Variants in JAKMIP3 observed in about 807,000 individuals in gnomAD.
JAKMIP3 encodes the protein janus kinase and microtubule-interacting protein 3.
A neutral mutation model predicts 118.5 loss-of-function variants in JAKMIP3; 58 were observed. The ratio of observed to expected loss-of-function variants is 0.49; its 90% CI spans 0.40 to 0.61. JAKMIP3 has a LOEUF of 0.61. Among genes scored for constraint, JAKMIP3 ranks in the 20% least tolerant of loss-of-function variants. The probability of loss-of-function intolerance (pLI) is 0.00; values close to 1 mark genes in which losing one functional copy is unlikely to be tolerated. For missense variants in JAKMIP3, 950 were observed against 1,109.0 expected, an observed-to-expected ratio of 0.86 and a Z score of 2.04; for synonymous variants, 486 against 451.2, an observed-to-expected ratio of 1.08 and a Z score of -0.98.
At chr10:132,154,653 G>T (rs1327155466) in intron 19 of JAKMIP3, among the ~76,000 whole-genome samples, 3 of 152,136 alleles carry the variant, frequency 2.0e-5, no homozygotes, top group Admixed American at 2.0e-4. Flanking sequence ...AGCAGGCAGG[G>T]TCTTGACCCT....
intron 19 of JAKMIP3, among the ~76,000 whole-genome samples, chr10:132,158,335 G>A (rs914044395): frequency 2.0e-5 from 3 of 152,176 alleles, no homozygotes; most frequent in Non-Finnish European, 4.4e-5. Context: ...CAGAGCAACT[G>A]CCACCATGGT....
At position 132,088,974 on chromosome 10, in the gene JAKMIP3, C is replaced by G. The variant is rs1411528031; in HGVS notation, c.-137-15698C>G. On this transcript the variant is annotated intron_variant, in intron 1 of 23. Transcript: ENST00000684848. ...ATTTATTAAATAGGGAATCCTTTCCCCACTGCTTGTTTTTGTCAGGTTTGT... is the reference window on the plus strand; with the variant it reads ...ATTTATTAAATAGGGAATCCTTTCCGCACTGCTTGTTTTTGTCAGGTTTGT... Among the ~76,000 whole-genome samples, 11 of 152,290 alleles carry G rather than the reference C, an allele frequency of 7.2e-5. No individual in the cohort carries two copies. The East Asian group carries it at 2.1e-3, about 29-fold the overall frequency.
chr10:132,111,357 C>CA (rs1554934587), intron 2 of JAKMIP3, among the ~76,000 whole-genome samples: 1 of 151,886 alleles, frequency 6.6e-6, no homozygotes, highest in Non-Finnish European at 1.5e-5. Context: ...AGACCCCCCC[C>CA]ATGAGCACAG....
At position 132,163,210 on chromosome 10, in the gene JAKMIP3, A is replaced by G; in HGVS notation, c.2222A>G (p.His741Arg). The G allele has an allele frequency of 1.9e-6, 3 of 1,556,320 alleles. No homozygotes were observed. Among genetic ancestry groups the G allele is most frequent in the Non-Finnish European group, 2.6e-6 (3 of 1,150,230 alleles). The change falls in exon 20 of 24, where the codon CAC (histidine) becomes CGC (arginine). Residue 741 changes from histidine (H) to arginine (R), a missense_variant and splice_region_variant. Coordinates refer to ENST00000684848, the MANE Select transcript of JAKMIP3 (RefSeq NM_001323087.2). ...AAGGCGTCTCCCCTTCCGCCCCAGCACATCCTGGAGCTGGAAGCCATGCTG... is the reference window on the plus strand; with the variant it reads ...AAGGCGTCTCCCCTTCCGCCCCAGCGCATCCTGGAGCTGGAAGCCATGCTG... Reference protein sequence around the residue: ...RKQALDQANKHILELEAMLYD... With the variant: ...RKQALDQANKRILELEAMLYD...
chr10:132,069,040 G>T (rs917094058), intron 1 of JAKMIP3, among the ~76,000 whole-genome samples: 1 of 152,152 alleles, frequency 6.6e-6, no homozygotes, highest in African/African-American at 2.4e-5. Flanking sequence ...CGAGGGGAGC[G>T]CCTTTAGCTG....
chr10:132,064,094 G>T (rs2038513359), upstream of JAKMIP3, among the ~76,000 whole-genome samples: 1 of 152,168 alleles, frequency 6.6e-6, no homozygotes, highest in South Asian at 2.1e-4. The surrounding 1 kb of genome is among the most constrained non-coding windows in gnomAD (Gnocchi z 4.4). Context: ...TGGCCCCATT[G>T]TATTTGGACG....
chr10:132,065,139 C>G (rs1316845515), upstream of JAKMIP3, among the ~76,000 whole-genome samples: 1 of 152,132 alleles, frequency 6.6e-6, no homozygotes, highest in African/African-American at 2.4e-5. The surrounding 1 kb of genome is among the most constrained non-coding windows in gnomAD (Gnocchi z 5.6). Flanking sequence ...ACCGGCAGCC[C>G]TCAAGGCTGC....
At chr10:132,050,643 G>GC (rs2038071867) in intron 1 of JAKMIP3, among the ~76,000 whole-genome samples, 2 of 152,040 alleles carry the variant, frequency 1.3e-5, no homozygotes, top group Non-Finnish European at 2.9e-5. Context: ...TTTGGGGGGG[G>GC]TTGATTATGG....
intron 1 of JAKMIP3, among the ~76,000 whole-genome samples, chr10:132,086,740 T>C (rs1346003572): frequency 6.6e-6 from 1 of 152,236 alleles, no homozygotes; most frequent in African/African-American, 2.4e-5. Flanking sequence ...ACCTTAAGTT[T>C]ATGTGAGTCC....
intron 2 of JAKMIP3, among the ~76,000 whole-genome samples, chr10:132,107,572 G>A (rs1012719449): frequency 3.9e-5 from 6 of 152,194 alleles, no homozygotes; most frequent in African/African-American, 1.2e-4. Context: ...GGACGCCCTC[G>A]CCAGAGGGTT....
At chr10:132,135,317 T>C (rs59644848) in intron 5 of JAKMIP3, among the ~76,000 whole-genome samples, 157 bp downstream of exon 5, 1,530 of 152,292 alleles carry the variant, frequency 0.01, 27 homozygotes, top group African/African-American at 0.035. Flanking sequence ...AGTTGAACTT[T>C]ATTAGCAAAA....
At position 132,066,013 on chromosome 10, in the gene JAKMIP3, C is replaced by T. The variant is rs908376376; in HGVS notation, c.-186C>T. 1.3e-5 allele frequency among the ~76,000 whole-genome samples: 2 copies of T among 152,350 alleles called. No individual in the cohort carries two copies. The highest frequency in any genetic ancestry group is 4.8e-5 in the African/African-American group (2 of 41,580). On this transcript the variant is annotated 5_prime_UTR_variant, in exon 1 of 24. Transcript: ENST00000684848. ...TTGGACGAGCCGGGAAAGATTCTCA[C>T]AGTCGAGCAGAGCGATGGGAGAGAG...
At chr10:132,124,193 G>C (rs986718047) in intron 3 of JAKMIP3, among the ~76,000 whole-genome samples, 3 of 152,306 alleles carry the variant, frequency 2.0e-5, no homozygotes, top group Admixed American at 6.5e-5. Flanking sequence ...TGCCCCTCCC[G>C]GCAGCACCCG....
Position 132,044,070 on chromosome 10 carries a change from G to A in JAKMIP3, c.-138+7332G>A, listed in dbSNP as rs1268980330. Reference sequence around the variant, plus strand: ...CTCAGGCAGTTCAGATACCGTGTGTGCAGTGGCGCTTGTGGCCCACCTGGG... The same window carrying A: ...CTCAGGCAGTTCAGATACCGTGTGTACAGTGGCGCTTGTGGCCCACCTGGG... On this transcript the variant is annotated intron_variant, in intron 1 of 23. Coordinates refer to the JAKMIP3 transcript ENST00000657785. The surrounding 1 kb of genome is among the most constrained non-coding windows in gnomAD (Gnocchi z 5.3). Among the ~76,000 whole-genome samples the A allele has an allele frequency of 1.3e-5, 2 of 152,210 alleles. No individual in the cohort carries two copies. Among genetic ancestry groups the A allele is most frequent in the Non-Finnish European group, 2.9e-5 (2 of 68,044 alleles).
chr10:132,142,102 C>T (rs986358920), intron 11 of JAKMIP3, 54 bp downstream of exon 11: 2 of 1,535,158 alleles, frequency 1.3e-6, no homozygotes, highest in African/African-American at 1.4e-5. Flanking sequence ...TCCCGCTTGA[C>T]CCCGTGGCCT....
intron 19 of JAKMIP3, 97 bp from the exon 20 acceptor site, chr10:132,163,112 G>A (rs1210629533): frequency 3.3e-6 from 4 of 1,204,926 alleles, no homozygotes; most frequent in African/African-American, 3.0e-5. Flanking sequence ...TCTTGGCCCT[G>A]CTCCCAGGCG....
chr10:132,134,940 G>A (rs1387686986), intron 4 of JAKMIP3, 101 bp from the exon 5 acceptor site: 24 of 1,421,956 alleles, frequency 1.7e-5, no homozygotes, highest in African/African-American at 4.3e-5. Context: ...AAAGGCGCGC[G>A]TCCCACGGCA....
chr10:132,172,748 G>T (rs148686800), intron 23 of JAKMIP3, among the ~76,000 whole-genome samples: 175 of 151,942 alleles, frequency 1.2e-3, no homozygotes, highest in African/African-American at 3.9e-3. Context: ...ACAAGGCGGG[G>T]TCCATAACCC....
chr10:132,093,377 G>A (rs1023352440), intron 1 of JAKMIP3, among the ~76,000 whole-genome samples: 1 of 152,184 alleles, frequency 6.6e-6, no homozygotes, highest in Non-Finnish European at 1.5e-5. Context: ...AGTCTACAGA[G>A]GCAGGCAGGC....
Sources: gnomAD v4.1 joint callset for allele counts (sites outside exome capture counted in the v4.1 genomes callset) on GRCh38, gnomAD v4.1.1 for gene constraint, Gnocchi (gnomAD v3.1) non-coding constraint, MANE v1.5 for transcripts, NCBI Gene and HGNC (gene_info 2026-07-23, HGNC 2026-07-21) for gene names.